PBX4: variants seen among roughly 807,000 people sequenced by gnomAD.
PBX4 encodes pre-B-cell leukemia transcription factor 4.
Under a neutral mutation model 35.1 loss-of-function variants are expected in PBX4, and 26 were observed. The ratio of observed to expected loss-of-function variants is 0.74; its 90% CI spans 0.54 to 1.03. PBX4 has a LOEUF of 1.03. Among genes scored for constraint, PBX4 ranks in the 50% least tolerant of loss-of-function variants. PBX4 has a pLI of 0.00. For synonymous variants in PBX4, 199 were observed against 204.2 expected, an observed-to-expected ratio of 0.97 and a Z score of 0.22; for missense variants, 448 against 504.3, an observed-to-expected ratio of 0.89 and a Z score of 1.07.
intron 2 of PBX4, among the ~76,000 whole-genome samples, chr19:19,590,581 G>A (rs768022939): frequency 1.3e-5 from 2 of 151,402 alleles, no homozygotes; most frequent in Non-Finnish European, 2.9e-5. Flanking sequence ...TGATTCTCGC[G>A]CCTCAGCCTC....
chr19:19,582,925 C>T (rs780598612), intron 2 of PBX4, among the ~76,000 whole-genome samples: 9 of 152,242 alleles, frequency 5.9e-5, no homozygotes, highest in Non-Finnish European at 1.0e-4. Context: ...GAGCCACATC[C>T]GTCACACACC....
intron 2 of PBX4, among the ~76,000 whole-genome samples, chr19:19,572,150 C>A (rs1432296855): frequency 7.5e-6 from 1 of 132,634 alleles, no homozygotes; most frequent in African/African-American, 2.8e-5. Context: ...TCTCCACTCA[C>A]TGCAACCTCT....
At position 19,563,654 on chromosome 19, in the gene PBX4, G is replaced by A. The variant is rs554059365; in HGVS notation, c.926-39C>T. 1.4e-4 allele frequency: 209 copies of A among 1,512,408 alleles called. 2 individuals are homozygous for A. Among genetic ancestry groups the A allele is most frequent in the South Asian group, 1.1e-3 (95 of 83,222 alleles). The allele number at this position is 1,512,408 out of a possible 1,614,324, so 93.7% of individuals were successfully genotyped here. On this transcript the variant is annotated intron_variant, in intron 6 of 7. Coordinates refer to ENST00000251203, the MANE Select transcript of PBX4 (RefSeq NM_025245.3). This position sits in a 1 kb window ranked among gnomAD's most constrained non-coding sequence, Gnocchi z 5.1. ...GAGCCGGGGTGGGCAGAGTCGTGGC[G>A]CCTCCTCAGGTGGAACCCACCCAGC...
intron 2 of PBX4, among the ~76,000 whole-genome samples, chr19:19,587,170 A>G (rs1279480880): frequency 6.6e-6 from 1 of 151,684 alleles, no homozygotes. Flanking sequence ...CCACCCAGCT[A>G]ATTTTTGTTT....
At chr19:19,602,209 G>T (rs1193653347) in intron 1 of PBX4, among the ~76,000 whole-genome samples, 1 of 151,926 alleles carries the variant, frequency 6.6e-6, no homozygotes, top group Non-Finnish European at 1.5e-5. Context: ...GAGGTGGGAG[G>T]ACCAGTCTAG....
rs2061311264 is a variant in PBX4, at chr19:19,562,191, C to T, written c.1033-74G>A. 8 of 1,177,450 alleles carry T rather than the reference C, an allele frequency of 6.8e-6. No homozygotes were observed. The highest frequency in any genetic ancestry group is 2.9e-5 in the South Asian group (2 of 68,508). 72.9% of individuals were successfully genotyped at this position (1,177,450 alleles called of 1,614,324 possible). A position where few individuals can be genotyped will look rare whatever the true frequency, so the allele number is the denominator to read the frequency against. ...GACTACCCAGCCCACGTGCTGCAGG[C>T]GGAGCCTCCAGGGGTCCCTGGGAAG... On this transcript the variant is annotated intron_variant, in intron 7 of 7. Transcript: ENST00000251203. This position sits in a 1 kb window ranked among gnomAD's most constrained non-coding sequence, Gnocchi z 4.8.
chr19:19,592,601 T>C (rs1322025270), intron 2 of PBX4, among the ~76,000 whole-genome samples: 1 of 152,218 alleles, frequency 6.6e-6, no homozygotes, highest in Admixed American at 6.5e-5. Context: ...TTCAGGCTGC[T>C]GTGAGTGATA....
At chr19:19,598,913 C>CTTTTTT (rs34982058) in intron 2 of PBX4, among the ~76,000 whole-genome samples, 1 of 112,592 alleles carries the variant, frequency 8.9e-6, no homozygotes, top group Non-Finnish European at 1.8e-5. Context: ...CAGGAAGTGC[C>CTTTTTT]TTTTTTTTTT....
chr19:19,605,749 C>A (rs73004966), intron 1 of PBX4, among the ~76,000 whole-genome samples: 1 of 151,176 alleles, frequency 6.6e-6, no homozygotes, highest in African/African-American at 2.4e-5. Context: ...GGATTACAGG[C>A]GTGAGCCTTG....
Position 19,570,193 on chromosome 19 carries a change from C to T in PBX4, c.548G>A (p.Gly183Asp), listed in dbSNP as rs374756898. The change falls in exon 4 of 8, where the codon GGC becomes GAC. Residue 183 changes from glycine to aspartate, a missense_variant. Coordinates refer to ENST00000251203, the MANE Select transcript of PBX4 (RefSeq NM_025245.3). ...EIERMVGAIH[G>D]KFSAIQMQLK... ...CTGCATCTGGATGGCGCTGAACTTG[C>T]CGTGAATGGCGCCGACCATGCGCTC... The T allele has an allele frequency of 3.7e-6, 6 of 1,613,988 alleles. No homozygotes were observed. The highest frequency in any genetic ancestry group is 5.1e-6 in the Non-Finnish European group (6 of 1,180,032).
chr19:19,594,107 T>TG, intron 2 of PBX4, among the ~76,000 whole-genome samples: 1 of 122,254 alleles, frequency 8.2e-6, no homozygotes, highest in Admixed American at 8.9e-5. Context: ...AAATAAAAAA[T>TG]AAAAAATTAA....
intron 1 of PBX4, among the ~76,000 whole-genome samples, chr19:19,607,122 C>G (rs2061636283): frequency 6.6e-6 from 1 of 152,130 alleles, no homozygotes; most frequent in African/African-American, 2.4e-5. Flanking sequence ...GGCATGATCT[C>G]AGCTCACTGC....
intron 1 of PBX4, among the ~76,000 whole-genome samples, chr19:19,617,949 T>C (rs1197194462): frequency 1.3e-5 from 2 of 152,044 alleles, no homozygotes; most frequent in Non-Finnish European, 2.9e-5. Flanking sequence ...AATGAGTGCT[T>C]GAACCCAGGA....
chr19:19,566,637 G>C (rs1314491896), intron 5 of PBX4, among the ~76,000 whole-genome samples: 1 of 150,550 alleles, frequency 6.6e-6, no homozygotes, highest in Non-Finnish European at 1.5e-5. Flanking sequence ...TGATTCTCTT[G>C]CCTCAGCCTC....
At chr19:19,584,215 G>A (rs138310542) in intron 2 of PBX4, among the ~76,000 whole-genome samples, 1 of 152,198 alleles carries the variant, frequency 6.6e-6, no homozygotes, top group South Asian at 2.1e-4. Context: ...TCCAGCCTGG[G>A]TGACAGAGCG....
chr19:19,605,211 A>G (rs987890189), intron 1 of PBX4, among the ~76,000 whole-genome samples: 11 of 151,048 alleles, frequency 7.3e-5, no homozygotes, highest in Non-Finnish European at 2.9e-5. Flanking sequence ...AGGCCAAAAG[A>G]TAGAGACCAT....
chr19:19,561,926 T>C lies in PBX4; in HGVS notation c.*99A>G. The C allele has an allele frequency of 9.7e-7, 1 of 1,029,352 alleles. No homozygotes were observed. The highest frequency in any genetic ancestry group is 2.4e-5 in the Admixed American group (1 of 41,624). 63.8% of individuals were successfully genotyped at this position (1,029,352 alleles called of 1,614,324 possible). ...GGGCTCATGGGCACCACCACCCATC[T>C]GGGTTTTCTGAGGTCGTCGGCGGCA... is the stretch of plus-strand genomic sequence containing the variant. On this transcript the variant is annotated 3_prime_UTR_variant, in exon 8 of 8. Transcript: ENST00000251203.
Position 19,618,676 on chromosome 19 carries a change from A to G in PBX4, c.-47T>C. On this transcript the variant is annotated 5_prime_UTR_variant, in exon 1 of 8. Transcript: ENST00000251203. ...GCTGTGAGGGTGCCGTCGAGCCTGG[A>G]GCACTACCACTGGCGCCGCAGCCAA... 1 of 1,183,858 alleles carries G rather than the reference A, an allele frequency of 8.4e-7. No homozygotes were observed. The highest frequency in any genetic ancestry group is 3.7e-5 in the East Asian group (1 of 26,728). 73.3% of individuals were successfully genotyped at this position (1,183,858 alleles called of 1,614,324 possible). A position where few individuals can be genotyped will look rare whatever the true frequency, so the allele number is the denominator to read the frequency against.
At chr19:19,591,411 T>C (rs2061527003) in intron 2 of PBX4, among the ~76,000 whole-genome samples, 1 of 152,202 alleles carries the variant, frequency 6.6e-6, no homozygotes, top group Non-Finnish European at 1.5e-5. Flanking sequence ...GCAAGGCCAA[T>C]CATTAGTCAG....
Sources: allele counts gnomAD v4.1 joint callset (sites outside exome capture counted in the v4.1 genomes callset), GRCh38; gene constraint gnomAD v4.1.1; non-coding constraint Gnocchi (gnomAD v3.1); transcripts MANE v1.5; gene names NCBI Gene and HGNC (gene_info 2026-07-23, HGNC 2026-07-21).